Variants in ASB5 observed in about 807,000 individuals in gnomAD.
ASB5 encodes ankyrin repeat and SOCS box containing 5.
In ASB5, 45 loss-of-function variants were observed where a neutral mutation model predicts 42.1. The ratio of observed to expected loss-of-function variants is 1.07; its 90% CI spans 0.84 to 1.37. The LOEUF (loss-of-function observed/expected upper bound fraction) is 1.37, where lower values mean the gene tolerates loss of function less well. ASB5 is among the 40% of genes most tolerant of loss of function. ASB5 has a pLI of 0.00. For missense variants in ASB5, 402 were observed against 399.8 expected (o/e 1.01, Z -0.05); for synonymous variants, 147 against 150.6 (o/e 0.98, Z 0.18).
intron 1 of ASB5, among the ~76,000 whole-genome samples, chr4:176,233,664 G>T (rs927512418): frequency 2.6e-5 from 4 of 151,942 alleles, no homozygotes; most frequent in Non-Finnish European, 1.5e-5. Context: ...CCATTGTTGC[G>T]GTAGTTTCTT....
intron 1 of ASB5, among the ~76,000 whole-genome samples, chr4:176,251,516 C>A (rs1305081852): frequency 1.5e-5 from 1 of 66,136 alleles, no homozygotes. Context: ...GAGCCGAGAT[C>A]CCGCCACTGC....
At chr4:176,260,055 G>T (rs1754228493) in intron 1 of ASB5, among the ~76,000 whole-genome samples, 1 of 152,164 alleles carries the variant, frequency 6.6e-6, no homozygotes, top group South Asian at 2.1e-4. Context: ...AGATGGTTAG[G>T]TTCTGTAAAG....
chr4:176,240,758 A>G (rs1579324234), intron 1 of ASB5, among the ~76,000 whole-genome samples: 2 of 152,228 alleles, frequency 1.3e-5, no homozygotes, highest in East Asian at 3.8e-4. Context: ...TAAAGAGCTC[A>G]CTGCTTCCAA....
At chr4:176,236,201 T>C (rs918366517) in intron 1 of ASB5, among the ~76,000 whole-genome samples, 4 of 152,154 alleles carry the variant, frequency 2.6e-5, no homozygotes, top group Admixed American at 1.3e-4. Context: ...TTGACACAGT[T>C]CTATTATGTT....
intron 1 of ASB5, among the ~76,000 whole-genome samples, chr4:176,260,878 T>C (rs1011970550): frequency 6.6e-6 from 1 of 152,142 alleles, no homozygotes; most frequent in Non-Finnish European, 1.5e-5. Context: ...GGTTTCACCT[T>C]GCTGGCCAAG....
At chr4:176,216,719 G>T in intron 6 of ASB5, 99 bp downstream of exon 6, 4 of 956,038 alleles carry the variant, frequency 4.2e-6, no homozygotes, top group East Asian at 2.5e-5. Context: ...CACATTTTAT[G>T]CCATTGTTAC....
At position 176,268,929 on chromosome 4, in the gene ASB5, T is replaced by C. The variant is rs1754414429; in HGVS notation, c.180A>G (p.Gly60=). 5.6e-6 allele frequency: 9 copies of C among 1,611,728 alleles called. No homozygotes were observed. Among genetic ancestry groups the C allele is most frequent in the Non-Finnish European group, 7.6e-6 (9 of 1,178,902 alleles). The change falls in exon 1 of 7, where the codon GGA becomes GGG. Residue 60 remains glycine, a synonymous_variant. Transcript: ENST00000296525. The stretch of plus-strand genomic sequence containing the variant: ...TAAACATACCTTGTCCTTGGGTTAC[T>C]CCATAAAATTCAGCTGCTATCCTTG... The part of the protein sequence containing the change: ...EAARIAAEFY[G]VTQGQGSWAD...
At chr4:176,268,565 T>G (rs1203006962) in intron 1 of ASB5, among the ~76,000 whole-genome samples, 4 of 152,152 alleles carry the variant, frequency 2.6e-5, no homozygotes, top group African/African-American at 9.6e-5. Flanking sequence ...AATCAATTAC[T>G]TCTAAAACTA....
Position 176,215,700 on chromosome 4 carries a change from C to CA in ASB5, c.889dup (p.Cys297LeufsTer37), listed in dbSNP as rs1752948655. 2 of 1,612,374 alleles carry CA rather than the reference C, an allele frequency of 1.2e-6. No individual in the cohort carries two copies. The highest frequency in any genetic ancestry group is 1.7e-6 in the Non-Finnish European group (2 of 1,179,120). ...TATGTAGCTTCGGATACAGAGTCGG[C>CA]AAAGTTGGTAAAGAGAGCTTGGGGT... On this transcript the variant is annotated frameshift_variant, in exon 7 of 7. Coordinates refer to ENST00000296525, the MANE Select transcript of ASB5 (RefSeq NM_080874.4). LOFTEE classifies it high-confidence loss of function.
intron 2 of ASB5, among the ~76,000 whole-genome samples, chr4:176,224,362 G>A (rs571600190): frequency 6.7e-6 from 1 of 148,364 alleles, no homozygotes; most frequent in African/African-American, 2.5e-5. Context: ...AGCCTCCCAA[G>A]TAGCTGGGAC....
chr4:176,271,510 T>C (rs1754467758), upstream of ASB5, among the ~76,000 whole-genome samples: 1 of 152,186 alleles, frequency 6.6e-6, no homozygotes, highest in South Asian at 2.1e-4. Context: ...TGAGAGACTG[T>C]GGTAGCAAGG....
chr4:176,264,561 T>G (rs1165069094), intron 1 of ASB5, among the ~76,000 whole-genome samples: 1 of 152,158 alleles, frequency 6.6e-6, no homozygotes. Context: ...AATGCAAGAC[T>G]AGAATTCAGA....
chr4:176,274,979 A>G (rs949956136), intron 2 of ASB5, among the ~76,000 whole-genome samples: 3 of 130,508 alleles, frequency 2.3e-5, no homozygotes, highest in East Asian at 2.2e-4. Flanking sequence ...CAGTGGCACT[A>G]TCTGGGCTCA....
rs1314899188 is a variant in ASB5 at position 176,237,411 on chromosome 4, C to T, written c.197-12070G>A. ...CAGTTCATTTCAACAGCAATATCTG[C>T]GGACATAGTTTGGTTGACGTTTTTT... On this transcript the variant is annotated intron_variant, in intron 1 of 6. Transcript: ENST00000296525. 14 of 985,722 alleles carry T rather than the reference C, an allele frequency of 1.4e-5. No homozygotes were observed. The Admixed American group carries it at 3.1e-4, about 22-fold the overall frequency. The allele number at this position is 985,722 out of a possible 1,614,324, so 61.1% of individuals were successfully genotyped here. A position where few individuals can be genotyped will look rare whatever the true frequency, so the allele number is the denominator to read the frequency against.
In ASB5 at chr4:176,223,981, G is replaced by A. The variant is rs28655069; in HGVS notation, c.276+1281C>T. 3.1e-3 allele frequency among the ~76,000 whole-genome samples: 471 copies of A among 152,210 alleles called. 1 individual carries two copies. The highest frequency in any genetic ancestry group is 0.01 in the African/African-American group (435 of 41,540). ...GATGAACAAAACAAAACAGTCACATGGTTATCACAGAACTGGAAGGCCCTA... is the reference window on the plus strand; with the variant it reads ...GATGAACAAAACAAAACAGTCACATAGTTATCACAGAACTGGAAGGCCCTA... On this transcript the variant is annotated intron_variant, in intron 2 of 6. Transcript: ENST00000296525.
At position 176,213,940 on chromosome 4, in the gene ASB5, A is replaced by G. The variant is rs1752900443; in HGVS notation, c.*1660T>C. 6.6e-6 allele frequency: 1 copy of G among 152,136 alleles called. No individual in the cohort carries two copies. Among genetic ancestry groups the G allele is most frequent in the South Asian group, 2.1e-4 (1 of 4,838 alleles). The allele number at this position is 152,136 out of a possible 1,614,324, so 9.4% of individuals were successfully genotyped here. A position where few individuals can be genotyped will look rare whatever the true frequency, so the allele number is the denominator to read the frequency against. On this transcript the variant is annotated 3_prime_UTR_variant, in exon 7 of 7. Transcript: ENST00000296525. ...ATACTGGTGGAAACCTGTTTTACCCAAAAGCAGCTTTAATATCTGTTTAAC... is the reference window on the plus strand; with the variant it reads ...ATACTGGTGGAAACCTGTTTTACCCGAAAGCAGCTTTAATATCTGTTTAAC...
At position 176,221,215 on chromosome 4, in the gene ASB5, G is replaced by A. The variant is rs1333462515; in HGVS notation, c.610C>T (p.Pro204Ser). 2 of 1,614,104 alleles carry A rather than the reference G, an allele frequency of 1.2e-6. No individual in the cohort carries two copies. The highest frequency in any genetic ancestry group is 1.7e-5 in the Admixed American group (1 of 60,002). The stretch of plus-strand genomic sequence containing the variant: ...TGTGACATACAAGCTACATAGAGAG[G>A]AGTTCCCAAATGAGGAATTTCTTGG... ...VDQEIPHLGT[P>S]LYVACMSQQF... Residue 204 changes from proline to serine, a missense_variant, in exon 5 of 7, where the codon CCT becomes TCT. Coordinates refer to ENST00000296525, the MANE Select transcript of ASB5 (RefSeq NM_080874.4).
At chr4:176,218,277 A>T (rs1202242686) in intron 5 of ASB5, among the ~76,000 whole-genome samples, 1 of 88,350 alleles carries the variant, frequency 1.1e-5, no homozygotes, top group Non-Finnish European at 2.2e-5. Flanking sequence ...TATGATATAT[A>T]AATATATATA....
At chr4:176,259,433 C>T (rs1754215866) in intron 1 of ASB5, among the ~76,000 whole-genome samples, 1 of 152,196 alleles carries the variant, frequency 6.6e-6, no homozygotes, top group African/African-American at 2.4e-5. Context: ...CATAAATCTC[C>T]TCAGTGGCTA....
Sources: gnomAD v4.1 joint callset for allele counts (sites outside exome capture counted in the v4.1 genomes callset) on GRCh38, gnomAD v4.1.1 for gene constraint, MANE v1.5 for transcripts, NCBI Gene and HGNC (gene_info 2026-07-23, HGNC 2026-07-21) for gene names.